The following ADAMTS16 variants were observed in gnomAD, a reference collection of about 807,000 sequenced individuals.
ADAMTS16 encodes the protein A disintegrin and metalloproteinase with thrombospondin motifs 16.
A neutral mutation model predicts 145.8 loss-of-function variants in ADAMTS16; 94 were observed. The ratio of observed to expected loss-of-function variants is 0.64; its 90% CI spans 0.55 to 0.77. The LOEUF (loss-of-function observed/expected upper bound fraction) is 0.77, where lower values mean the gene tolerates loss of function less well. Among genes scored for constraint, ADAMTS16 ranks in the 30% least tolerant of loss-of-function variants. The pLI is 0.00. For missense variants in ADAMTS16, 1,585 were observed against 1,591.5 expected (o/e 1.00, Z 0.07); for synonymous variants, 659 against 604.3 (o/e 1.09, Z -1.33).
intron 13 of ADAMTS16, 63 bp from the exon 14 acceptor site, chr5:5,236,906 G>A (rs1303723909): frequency 9.2e-6 from 14 of 1,520,538 alleles, no homozygotes; most frequent in Non-Finnish European, 7.9e-6. Context: ...AAAATTCAGA[G>A]CAAAAATGAT....
intron 17 of ADAMTS16, among the ~76,000 whole-genome samples, chr5:5,247,994 T>C (rs1307545183): frequency 6.6e-6 from 1 of 152,242 alleles, no homozygotes; most frequent in Non-Finnish European, 1.5e-5. Context: ...TCTTCCCTCT[T>C]CCGAGTTCAA....
intron 2 of ADAMTS16, among the ~76,000 whole-genome samples, chr5:5,141,454 G>A (rs1560920220): frequency 6.6e-6 from 1 of 152,178 alleles, no homozygotes; most frequent in African/African-American, 2.4e-5. Context: ...TTATGGAAAG[G>A]GATCTCTGTG....
Position 5,191,680 on chromosome 5 carries a change from C to T in ADAMTS16, c.1208-5C>T. On this transcript the variant is annotated splice_polypyrimidine_tract_variant and splice_region_variant and intron_variant, in intron 7 of 22. Coordinates refer to ENST00000274181, the MANE Select transcript of ADAMTS16 (RefSeq NM_139056.4). The stretch of plus-strand genomic sequence containing the variant: ...ATGTGTTCTTTTGATCTTTGTCCTT[C>T]ACAGGATTTGCACCCATAAGTGGAA... 1 of 1,608,386 alleles carries T rather than the reference C, an allele frequency of 6.2e-7. No homozygotes were observed. The highest frequency in any genetic ancestry group is 8.5e-7 in the Non-Finnish European group (1 of 1,175,486).
At chr5:5,265,194 T>C (rs915144715) in intron 18 of ADAMTS16, among the ~76,000 whole-genome samples, 3 of 152,170 alleles carry the variant, frequency 2.0e-5, no homozygotes, top group African/African-American at 7.2e-5. Context: ...CTGAGTTGTG[T>C]CAAAGACAAA....
rs1054853306 is a variant in ADAMTS16, at chr5:5,186,032, C to G, written c.764-20C>G. On this transcript the variant is annotated intron_variant, in intron 4 of 22. Transcript: ENST00000274181. ...TGTGTGACTTGTGCTTCCATTTGCC[C>G]TCCATGTGTCCCTCCATAGACATGC... 6.3e-7 allele frequency: 1 copy of G among 1,598,826 alleles called. No homozygotes were observed. Among genetic ancestry groups the G allele is most frequent in the Non-Finnish European group, 8.5e-7 (1 of 1,170,388 alleles).
chr5:5,190,495 C>T (rs570036813), intron 7 of ADAMTS16, among the ~76,000 whole-genome samples: 9 of 152,164 alleles, frequency 5.9e-5, no homozygotes, highest in South Asian at 2.1e-4. Context: ...GGAGATACTA[C>T]GACCAGATTA....
intron 21 of ADAMTS16, among the ~76,000 whole-genome samples, chr5:5,309,827 C>CGTGTGTGTGT (rs35723690): frequency 0.017 from 2,499 of 146,950 alleles, 67 homozygotes; most frequent in African/African-American, 0.059. Flanking sequence ...GTCATGTCCT[C>CGTGTGTGTGT]GTGTGTGTGT....
chr5:5,182,241 G>T lies in ADAMTS16; in HGVS notation c.699G>T (p.Leu233=), dbSNP rs764937722. Residue 233 remains leucine (L), a synonymous_variant, in exon 4 of 23, where the codon CTG becomes CTT. Coordinates refer to ENST00000274181, the MANE Select transcript of ADAMTS16 (RefSeq NM_139056.4). ...CATGGGAGCTGGCACATCAACCCCT[G>T]CACAGCAGCGACCTTCGCCTGGGAC... ...SRTWELAHQP[L]HSSDLRLGLP... 6.2e-7 allele frequency: 1 copy of T among 1,614,144 alleles called. No individual in the cohort carries two copies. Among genetic ancestry groups the T allele is most frequent in the East Asian group, 2.2e-5 (1 of 44,872 alleles).
chr5:5,237,610 G>A (rs1176949559), intron 14 of ADAMTS16, among the ~76,000 whole-genome samples: 1 of 152,174 alleles, frequency 6.6e-6, no homozygotes, highest in Non-Finnish European at 1.5e-5. Flanking sequence ...TGTAGATAGA[G>A]CAGGCATTGA....
intron 18 of ADAMTS16, among the ~76,000 whole-genome samples, chr5:5,302,644 A>T (rs902350738): frequency 6.6e-6 from 1 of 152,214 alleles, no homozygotes; most frequent in Non-Finnish European, 1.5e-5. Flanking sequence ...AAAAGAGAAG[A>T]TGTGAATCTG....
At chr5:5,188,807 T>C (rs1219200919) in intron 6 of ADAMTS16, among the ~76,000 whole-genome samples, 1 of 152,114 alleles carries the variant, frequency 6.6e-6, no homozygotes, top group African/African-American at 2.4e-5. Flanking sequence ...AACCTCATTG[T>C]CTTTTGTGTG....
intron 10 of ADAMTS16, among the ~76,000 whole-genome samples, chr5:5,216,664 G>A (rs1736449409): frequency 6.8e-6 from 1 of 146,064 alleles, no homozygotes; most frequent in African/African-American, 2.5e-5. Flanking sequence ...GTGCAGGTTA[G>A]TTACATATGT....
chr5:5,210,311 T>C (rs1338833136), intron 10 of ADAMTS16, among the ~76,000 whole-genome samples: 1 of 152,198 alleles, frequency 6.6e-6, no homozygotes, highest in South Asian at 2.1e-4. Context: ...GTTAGCTTTG[T>C]GACCACGGAC....
rs1734191788 is a variant in ADAMTS16, at chr5:5,319,368, C to A, written c.*230C>A. Reference sequence around the variant, plus strand: ...TCCTGTCAGGCTGAAATGTGGCACCCTGGCAGACAGAGCTGTGGCTCGTGA... The same window carrying A: ...TCCTGTCAGGCTGAAATGTGGCACCATGGCAGACAGAGCTGTGGCTCGTGA... On this transcript the variant is annotated 3_prime_UTR_variant, in exon 23 of 23. Coordinates refer to ENST00000274181, the MANE Select transcript of ADAMTS16 (RefSeq NM_139056.4). 1.9e-6 allele frequency: 1 copy of A among 526,804 alleles called. No individual in the cohort carries two copies. Among genetic ancestry groups the A allele is most frequent in the African/African-American group, 1.9e-5 (1 of 52,248 alleles). The allele number at this position is 526,804 out of a possible 1,614,324, so 32.6% of individuals were successfully genotyped here.
At chr5:5,290,165 A>C (rs1050949423) in intron 18 of ADAMTS16, among the ~76,000 whole-genome samples, 5 of 152,242 alleles carry the variant, frequency 3.3e-5, no homozygotes, top group Non-Finnish European at 7.3e-5. Flanking sequence ...TGAGGTAAAG[A>C]AGCAAGTCAG....
chr5:5,175,397 C>T (rs914720730), intron 3 of ADAMTS16, among the ~76,000 whole-genome samples: 5 of 152,116 alleles, frequency 3.3e-5, no homozygotes, highest in Admixed American at 2.0e-4. Flanking sequence ...ACAAAGTGCT[C>T]GTTAAACTTT....
At chr5:5,170,351 T>C (rs1475374357) in intron 3 of ADAMTS16, among the ~76,000 whole-genome samples, 1 of 152,098 alleles carries the variant, frequency 6.6e-6, no homozygotes, top group Non-Finnish European at 1.5e-5. Context: ...TTCATATCTT[T>C]TGCCCATTTT....
At chr5:5,305,043 CCACACACACACATCCCACACCACACA>C (rs1740004052) in intron 20 of ADAMTS16, among the ~76,000 whole-genome samples, 5 of 45,206 alleles carry the variant, frequency 1.1e-4, no homozygotes, top group African/African-American at 2.4e-4. Context: ...CCATCCCACA[CCACACACACACATCCCACACCACACA>C]CACACACACA....
chr5:5,208,065 C>G (rs900980040), intron 9 of ADAMTS16, among the ~76,000 whole-genome samples: 1 of 152,174 alleles, frequency 6.6e-6, no homozygotes, highest in Non-Finnish European at 1.5e-5. Context: ...TCCCTCTGCT[C>G]CAATTTATTG....
Sources: gnomAD v4.1 joint callset for allele counts (sites outside exome capture counted in the v4.1 genomes callset) on GRCh38, gnomAD v4.1.1 for gene constraint, MANE v1.5 for transcripts, NCBI Gene and HGNC (gene_info 2026-07-23, HGNC 2026-07-21) for gene names.